AFG1L: variants seen among roughly 807,000 people sequenced by gnomAD.
The protein encoded by AFG1L is AFG1-like ATPase.
AFG1L carries 53 observed loss-of-function variants against 62.2 expected under a neutral mutation model. The observed-to-expected ratio is 0.85, with a 90% confidence interval of 0.68 to 1.07. The LOEUF (loss-of-function observed/expected upper bound fraction) is 1.07, where lower values mean the gene tolerates loss of function less well. AFG1L is among the 50% of genes least tolerant of loss of function. The pLI is 0.00. For synonymous variants in AFG1L, 228 were observed against 210.3 expected (o/e 1.08, Z -0.73); for missense variants, 555 against 590.5 (o/e 0.94, Z 0.62).
chr6:108,511,105 G>A (rs1459982084), intron 11 of AFG1L, among the ~76,000 whole-genome samples: 2 of 141,372 alleles, frequency 1.4e-5, no homozygotes, highest in East Asian at 4.0e-4. Context: ...AAAAAAAAAA[G>A]AAGAAGAAGA....
chr6:108,314,663 T>C (rs1777526522), intron 1 of AFG1L, among the ~76,000 whole-genome samples: 1 of 152,054 alleles, frequency 6.6e-6, no homozygotes, highest in Admixed American at 6.6e-5. Context: ...CCTCCCAAAA[T>C]TGCTAGGATT....
rs111496395 is a variant in AFG1L, at chr6:108,313,791, C to T, written c.140-10034C>T. 1.1e-3 allele frequency among the ~76,000 whole-genome samples: 175 copies of T among 152,264 alleles called. 1 individual carries two copies. Among genetic ancestry groups the T allele is most frequent in the African/African-American group, 3.5e-3 (147 of 41,552 alleles). On this transcript the variant is annotated intron_variant, in intron 1 of 12. Transcript: ENST00000368977. ...CTGGACTCCAGTGATCTGCCTGCTT[C>T]GGCCTCCCAAATTGCTATGATTACA...
In AFG1L at chr6:108,356,796, T is replaced by A. The variant is rs1214956779; in HGVS notation, c.624T>A (p.Cys208Ter). ...CCGAAGAAATCAGCGAAGAAGCATG[T>A]CTCCTATGTTTTGATGAATTTCAGG... Reference protein sequence around the residue: ...PIAEEISEEACLLCFDEFQVT... With the variant: ...PIAEEISEEA Residue 208 changes from cysteine (C) to a stop codon, truncating the protein, a stop_gained, in exon 5 of 13, where the codon TGT becomes TGA. Transcript: ENST00000368977. LOFTEE classifies it high-confidence loss of function. The A allele has an allele frequency of 3.7e-6, 6 of 1,613,190 alleles. No homozygotes were observed. Among genetic ancestry groups the A allele is most frequent in the Non-Finnish European group, 5.1e-6 (6 of 1,179,580 alleles).
chr6:108,410,071 C>T (rs924615918), intron 7 of AFG1L, among the ~76,000 whole-genome samples: 7 of 151,968 alleles, frequency 4.6e-5, no homozygotes, highest in African/African-American at 1.2e-4. Flanking sequence ...TTTGGGAGGC[C>T]GAGGCAGGTG....
intron 1 of AFG1L, among the ~76,000 whole-genome samples, chr6:108,302,952 T>C (rs1206415507): frequency 6.6e-6 from 1 of 152,090 alleles, no homozygotes; most frequent in Non-Finnish European, 1.5e-5. Context: ...AAAAGTTTCC[T>C]TGACTCTGGA....
intron 6 of AFG1L, among the ~76,000 whole-genome samples, chr6:108,390,832 A>T (rs375721483): frequency 6.6e-6 from 1 of 152,200 alleles, no homozygotes; most frequent in East Asian, 1.9e-4. Flanking sequence ...TTGAGGAGGC[A>T]GTCTGTCCTT....
intron 1 of AFG1L, among the ~76,000 whole-genome samples, chr6:108,321,149 T>C (rs1032036823): frequency 1.3e-5 from 2 of 152,138 alleles, no homozygotes; most frequent in Admixed American, 1.3e-4. Flanking sequence ...GCAAATGGGG[T>C]ATACAGGCTA....
intron 8 of AFG1L, among the ~76,000 whole-genome samples, chr6:108,463,863 G>A (rs1236219475): frequency 6.6e-6 from 1 of 152,122 alleles, no homozygotes; most frequent in Admixed American, 6.6e-5. Flanking sequence ...TTATATTAAG[G>A]CAAGTATAAA....
At chr6:108,354,115 G>A (rs1459584040) in intron 3 of AFG1L, among the ~76,000 whole-genome samples, 2 of 152,172 alleles carry the variant, frequency 1.3e-5, no homozygotes, top group Non-Finnish European at 2.9e-5. Context: ...ACTGAGGAAT[G>A]CCAGGTACAA....
chr6:108,424,464 T>C (rs2114697027), intron 7 of AFG1L, among the ~76,000 whole-genome samples: 1 of 152,188 alleles, frequency 6.6e-6, no homozygotes, highest in Non-Finnish European at 1.5e-5. Context: ...AAGCAATAGT[T>C]AGATTTCAAC....
chr6:108,509,246 A>C (rs1052742942), intron 10 of AFG1L, among the ~76,000 whole-genome samples: 2 of 152,180 alleles, frequency 1.3e-5, no homozygotes, highest in African/African-American at 4.8e-5. Context: ...TTTTGTGAAT[A>C]ATATTGTGGA....
rs183761564 is a variant in AFG1L at position 108,455,876 on chromosome 6, C to T, written c.890+8580C>T. ...GCCCAGAATATGATGCATCTTGGAACAAGTTTCTCATGCACTTGATTATGT... is the reference window on the plus strand; with the variant it reads ...GCCCAGAATATGATGCATCTTGGAATAAGTTTCTCATGCACTTGATTATGT... On this transcript the variant is annotated intron_variant, in intron 8 of 12. Transcript: ENST00000368977. Among the ~76,000 whole-genome samples, 386 of 152,214 alleles carry T rather than the reference C, an allele frequency of 2.5e-3. 3 individuals carry two copies. Among genetic ancestry groups the T allele is most frequent in the African/African-American group, 9.0e-3 (373 of 41,546 alleles).
intron 10 of AFG1L, among the ~76,000 whole-genome samples, chr6:108,502,789 A>G (rs1774258956): frequency 6.6e-6 from 1 of 152,198 alleles, no homozygotes; most frequent in Non-Finnish European, 1.5e-5. Flanking sequence ...AAGTGATGCT[A>G]TTTGATAGCA....
In AFG1L at chr6:108,325,452, T is replaced by TTA. The variant is rs1554270121; in HGVS notation, c.363+1404_363+1405insTA. Among the ~76,000 whole-genome samples the TTA allele has an allele frequency of 6.8e-5, 10 of 146,486 alleles. No homozygotes were observed. In the East Asian group the frequency reaches 2.0e-3, roughly 29 times the overall value. ...GGCTGTTTTGCCTTTTTTTTTTTTT[T>TTA]AAACCTAATTCCTGCATGGATGTGA... On this transcript the variant is annotated intron_variant, in intron 2 of 12. Transcript: ENST00000368977.
intron 10 of AFG1L, among the ~76,000 whole-genome samples, chr6:108,496,117 T>C (rs1773965642): frequency 1.3e-5 from 2 of 152,216 alleles, no homozygotes; most frequent in Non-Finnish European, 1.5e-5. Context: ...TTTCAAAAAG[T>C]GTATTATGCT....
intron 7 of AFG1L, among the ~76,000 whole-genome samples, chr6:108,419,401 C>A (rs1770486786): frequency 6.6e-6 from 1 of 152,086 alleles, no homozygotes; most frequent in Non-Finnish European, 1.5e-5. Flanking sequence ...GATAACTAAA[C>A]TGGTGAAAAA....
intron 10 of AFG1L, among the ~76,000 whole-genome samples, chr6:108,504,342 T>C (rs1022419776): frequency 1.8e-4 from 27 of 152,212 alleles, no homozygotes; most frequent in African/African-American, 5.8e-4. Flanking sequence ...ATGTTATTAA[T>C]TGACCTAATT....
intron 1 of AFG1L, among the ~76,000 whole-genome samples, chr6:108,303,786 G>A (rs767130751): frequency 2.0e-5 from 3 of 152,070 alleles, no homozygotes; most frequent in African/African-American, 2.4e-5. Flanking sequence ...ATTTATATAT[G>A]TGTGTGTATA....
chr6:108,502,095 C>A (rs1471277473), intron 10 of AFG1L, among the ~76,000 whole-genome samples: 1 of 152,134 alleles, frequency 6.6e-6, no homozygotes, highest in Admixed American at 6.5e-5. Context: ...GGCGTGATCT[C>A]GGCTCACTGC....
Sources: allele counts gnomAD v4.1 joint callset (sites outside exome capture counted in the v4.1 genomes callset), GRCh38; gene constraint gnomAD v4.1.1; transcripts MANE v1.5; gene names NCBI Gene and HGNC (gene_info 2026-07-23, HGNC 2026-07-21).